Variants in LUZP2 observed in about 807,000 individuals in gnomAD.
LUZP2 encodes leucine zipper protein 2.
Under a neutral mutation model 51.6 loss-of-function variants are expected in LUZP2, and 52 were observed. The observed-to-expected ratio is 1.01, with a 90% CI of 0.81 to 1.27. The LOEUF is 1.27. Ranked by LOEUF, LUZP2 falls within the 50% of genes most tolerant of loss-of-function variation. The pLI, the probability that LUZP2 is intolerant of heterozygous loss-of-function variation, is 0.00. For synonymous variants in LUZP2, 154 were observed against 137.3 expected (o/e 1.12, Z -0.85); for missense variants, 436 against 395.4 (o/e 1.10, Z -0.87).
chr11:24,634,450 GA>G (rs1695087627), intron 1 of LUZP2, among the ~76,000 whole-genome samples: 1 of 151,924 alleles, frequency 6.6e-6, no homozygotes, highest in Admixed American at 6.6e-5. Context: ...TTACATATCA[GA>G]AGATAAGCCA....
chr11:25,051,208 T>C (rs1363729650), intron 10 of LUZP2, among the ~76,000 whole-genome samples: 1 of 151,942 alleles, frequency 6.6e-6, no homozygotes, highest in Non-Finnish European at 1.5e-5. Context: ...TCCCAACTAC[T>C]CGGGAGGCTG....
chr11:24,622,688 T>A (rs1854539731), intron 1 of LUZP2, among the ~76,000 whole-genome samples: 1 of 152,214 alleles, frequency 6.6e-6, no homozygotes, highest in African/African-American at 2.4e-5. Flanking sequence ...TTTATCCAGC[T>A]GAGCCTCCAT....
intron 9 of LUZP2, among the ~76,000 whole-genome samples, chr11:25,020,965 G>C (rs1280938540): frequency 6.6e-6 from 1 of 151,932 alleles, no homozygotes; most frequent in Non-Finnish European, 1.5e-5. Context: ...AAGATGAAAA[G>C]TTCCTGGATT....
At chr11:24,917,205 T>C (rs1283033553) in intron 7 of LUZP2, among the ~76,000 whole-genome samples, 1 of 152,166 alleles carries the variant, frequency 6.6e-6, no homozygotes, top group Non-Finnish European at 1.5e-5. Context: ...GTAAATTTGT[T>C]TGAGTTCTTT....
intron 1 of LUZP2, among the ~76,000 whole-genome samples, chr11:24,517,472 C>T (rs1590127054): frequency 1.1e-5 from 1 of 87,912 alleles, no homozygotes; most frequent in South Asian, 3.9e-4. Flanking sequence ...GGTGACAGAG[C>T]CAGACGCCGT....
chr11:24,851,875 AT>A (rs1590639067), intron 5 of LUZP2, among the ~76,000 whole-genome samples: 1 of 152,150 alleles, frequency 6.6e-6, no homozygotes, highest in East Asian at 1.9e-4. Flanking sequence ...GAATTTATCC[AT>A]TTCTTTTAGA....
chr11:24,602,172 A>ATATGTATATGTGTATATG (rs1554961918), intron 1 of LUZP2, among the ~76,000 whole-genome samples: 1 of 131,902 alleles, frequency 7.6e-6, no homozygotes, highest in African/African-American at 2.8e-5. Flanking sequence ...ATATGTGTAT[A>ATATGTATATGTGTATATG]TATATGTGTA....
intron 1 of LUZP2, among the ~76,000 whole-genome samples, chr11:24,701,048 T>C (rs1040177626): frequency 7.9e-5 from 12 of 152,304 alleles, no homozygotes; most frequent in Non-Finnish European, 1.6e-4. Flanking sequence ...AATGTGGTAG[T>C]ATGGCTGTAT....
At chr11:24,937,615 T>C (rs1756355518) in intron 7 of LUZP2, among the ~76,000 whole-genome samples, 1 of 152,134 alleles carries the variant, frequency 6.6e-6, no homozygotes, top group African/African-American at 2.4e-5. Context: ...AAATACGTCA[T>C]ATGTGGCCGG....
chr11:24,697,516 C>T (rs1857286015), intron 1 of LUZP2, among the ~76,000 whole-genome samples: 4 of 152,152 alleles, frequency 2.6e-5, no homozygotes, highest in Admixed American at 2.0e-4. Context: ...ACTACCTTTG[C>T]CCATTTTTAG....
intron 5 of LUZP2, among the ~76,000 whole-genome samples, chr11:24,772,316 A>G (rs1281630378): frequency 6.6e-6 from 1 of 152,182 alleles, no homozygotes; most frequent in African/African-American, 2.4e-5. Flanking sequence ...TCTTGCCTCA[A>G]TAAACACACT....
intron 10 of LUZP2, among the ~76,000 whole-genome samples, chr11:25,053,653 C>A (rs1442524189): frequency 1.3e-5 from 2 of 151,486 alleles, no homozygotes; most frequent in Admixed American, 1.3e-4. Context: ...TGCTGAAAAC[C>A]ATTTTATTGT....
chr11:25,003,335 A>T (rs1268006071), intron 9 of LUZP2, among the ~76,000 whole-genome samples: 1 of 152,196 alleles, frequency 6.6e-6, no homozygotes, highest in African/African-American at 2.4e-5. Context: ...GGTCTGTGGG[A>T]TCCTCAAAGG....
chr11:24,543,967 C>T (rs1204463150), intron 1 of LUZP2, among the ~76,000 whole-genome samples: 1 of 151,894 alleles, frequency 6.6e-6, no homozygotes, highest in East Asian at 1.9e-4. Context: ...GTGTAACTGG[C>T]TCAAGTCTGG....
chr11:24,602,816 A>G (rs1045527507), intron 1 of LUZP2, among the ~76,000 whole-genome samples: 1 of 151,664 alleles, frequency 6.6e-6, no homozygotes, highest in Non-Finnish European at 1.5e-5. Context: ...TTCCCATTTG[A>G]TAACTTTTTT....
At chr11:24,775,332 G>A (rs1024410423) in intron 5 of LUZP2, among the ~76,000 whole-genome samples, 1 of 151,750 alleles carries the variant, frequency 6.6e-6, no homozygotes, top group African/African-American at 2.4e-5. Flanking sequence ...GCATTGTGGT[G>A]GAATCCAATT....
At chr11:24,918,766 TTCTG>T (rs1853890178) in intron 7 of LUZP2, among the ~76,000 whole-genome samples, 1 of 150,030 alleles carries the variant, frequency 6.7e-6, no homozygotes, top group African/African-American at 2.4e-5. Flanking sequence ...TATTTTATAT[TTCTG>T]TCTATTTCCC....
intron 9 of LUZP2, among the ~76,000 whole-genome samples, chr11:24,994,062 T>C (rs1232774536): frequency 6.6e-6 from 1 of 152,122 alleles, no homozygotes; most frequent in Admixed American, 6.5e-5. Flanking sequence ...GGTTTCACCA[T>C]GTTAATCAGT....
chr11:24,904,264 A>G (rs1043295856), intron 5 of LUZP2, among the ~76,000 whole-genome samples: 4 of 152,094 alleles, frequency 2.6e-5, no homozygotes, highest in African/African-American at 9.7e-5. Flanking sequence ...TCTTCCTGTG[A>G]GAAATGTTTA....
Sources: allele counts gnomAD v4.1 joint callset (sites outside exome capture counted in the v4.1 genomes callset), GRCh38; gene constraint gnomAD v4.1.1; transcripts MANE v1.5; gene names NCBI Gene and HGNC (gene_info 2026-07-23, HGNC 2026-07-21).